The following TBC1D20 variants were observed in gnomAD, a reference collection of about 807,000 sequenced individuals.
TBC1D20 encodes the protein chromosome 20 open reading frame 140.
Under a neutral mutation model 41.6 loss-of-function variants are expected in TBC1D20, and 12 were observed. That is an observed-to-expected ratio of 0.29 (90% confidence interval 0.18 to 0.47). The LOEUF (loss-of-function observed/expected upper bound fraction) is 0.47. Among genes scored for constraint, TBC1D20 ranks in the 20% least tolerant of loss-of-function variants. The pLI, the probability that TBC1D20 is intolerant of heterozygous loss-of-function variation, is 1.00. For synonymous variants in TBC1D20, 205 were observed against 204.8 expected (o/e 1.00, Z -0.01); for missense variants, 421 against 517.4 (o/e 0.81, Z 1.81).
At chr20:454,825 C>T (rs2017514358) in intron 1 of TBC1D20, among the ~76,000 whole-genome samples, 1 of 152,088 alleles carries the variant, frequency 6.6e-6, no homozygotes, top group Non-Finnish European at 1.5e-5. Flanking sequence ...GCGCATGCTG[C>T]CACCACACCT....
chr20:450,438 G>T (rs143623085), intron 1 of TBC1D20, among the ~76,000 whole-genome samples: 9 of 151,900 alleles, frequency 5.9e-5, no homozygotes, highest in African/African-American at 1.9e-4. Flanking sequence ...GAGCCACCAC[G>T]CCTGGCCAAC....
chr20:452,859 C>T lies in TBC1D20; in HGVS notation c.71-4785G>A, dbSNP rs568685346. Among the ~76,000 whole-genome samples the T allele has an allele frequency of 3.3e-5, 5 of 152,156 alleles. No homozygotes were observed. In the South Asian group the frequency reaches 1.0e-3, roughly 32 times the overall value. On this transcript the variant is annotated intron_variant, in intron 1 of 7. Coordinates refer to ENST00000354200, the MANE Select transcript of TBC1D20 (RefSeq NM_144628.4). ...TGTCCTGGTGACCTGTCTCTAAAAA[C>T]AAAAACAAGGCTGGGCACGGTGGTT... is the stretch of plus-strand genomic sequence containing the variant.
chr20:462,448 G>C lies in TBC1D20; in HGVS notation c.-43C>G. 5 of 1,138,358 alleles carry C rather than the reference G, an allele frequency of 4.4e-6. No individual in the cohort carries two copies. The highest frequency in any genetic ancestry group is 5.5e-6 in the Non-Finnish European group (5 of 905,968). 70.5% of individuals were successfully genotyped at this position (1,138,358 alleles called of 1,614,324 possible). A position where few individuals can be genotyped will look rare whatever the true frequency, so the allele number is the denominator to read the frequency against. On this transcript the variant is annotated 5_prime_UTR_variant, in exon 1 of 8. Transcript: ENST00000354200. ...CCCCACCCGAGCCCCGGCTGGTGGC[G>C]GAGCCGGGAGAAGACGCGGCTCCGA...
chr20:462,063 G>A (rs2017641195), intron 1 of TBC1D20, among the ~76,000 whole-genome samples: 1 of 152,214 alleles, frequency 6.6e-6, no homozygotes, highest in Admixed American at 6.5e-5. Flanking sequence ...GAAAGCCGGG[G>A]CGCGAAGCCG....
chr20:461,390 G>T (rs1230147692), intron 1 of TBC1D20, among the ~76,000 whole-genome samples: 1 of 152,072 alleles, frequency 6.6e-6, no homozygotes, highest in Non-Finnish European at 1.5e-5. Context: ...ATTGAGATAG[G>T]GTCTCCATCT....
intron 1 of TBC1D20, among the ~76,000 whole-genome samples, chr20:453,693 G>A (rs1378135021): frequency 1.4e-5 from 2 of 145,166 alleles, no homozygotes; most frequent in East Asian, 4.1e-4. Context: ...TTACGGGCAC[G>A]TGCCACCATG....
At chr20:460,469 C>CAAAAAAAAAAAAAAA (rs2017610864) in intron 1 of TBC1D20, among the ~76,000 whole-genome samples, 3 of 151,370 alleles carry the variant, frequency 2.0e-5, no homozygotes, top group African/African-American at 7.3e-5. Flanking sequence ...AACTCCACGT[C>CAAAAAAAAAAAAAAA]TGTACCAGAA....
At chr20:454,136 G>C (rs1288676870) in intron 1 of TBC1D20, among the ~76,000 whole-genome samples, 3 of 151,134 alleles carry the variant, frequency 2.0e-5, no homozygotes, top group Non-Finnish European at 4.4e-5. Context: ...CCAGCTACTC[G>C]AGAGGCTGAG....
chr20:446,397 C>G (rs554047363), intron 2 of TBC1D20, among the ~76,000 whole-genome samples: 33 of 151,908 alleles, frequency 2.2e-4, no homozygotes, highest in African/African-American at 8.0e-4. Context: ...CTGGAGTATA[C>G]TGGCGCAATC....
chr20:438,869 A>T (rs751529283), intron 7 of TBC1D20, 28 bp from the exon 8 acceptor site: 3 of 1,608,510 alleles, frequency 1.9e-6, no homozygotes, highest in Non-Finnish European at 1.7e-6. Context: ...GGAAGGAAGG[A>T]AGTGGTATGA....
intron 1 of TBC1D20, among the ~76,000 whole-genome samples, chr20:451,685 C>T (rs2017444511): frequency 6.6e-6 from 1 of 152,174 alleles, no homozygotes; most frequent in Non-Finnish European, 1.5e-5. Flanking sequence ...CAGATACCTT[C>T]TTCCTTTTCC....
In TBC1D20 at chr20:456,006, C is replaced by T. The variant is rs932599579; in HGVS notation, c.70+6330G>A. ...TGCCGGGCATGGTTTTTAGTCCAGA[C>T]GTGGCTCATGCTTATAATCCCAGCA... On this transcript the variant is annotated intron_variant, in intron 1 of 7. Transcript: ENST00000354200. 2.6e-5 allele frequency among the ~76,000 whole-genome samples: 4 copies of T among 151,828 alleles called. 1 individual carries two copies. Among genetic ancestry groups the T allele is most frequent in the South Asian group, 4.2e-4 (2 of 4,794 alleles).
In TBC1D20 at chr20:435,614, G is replaced by A. The variant is rs1322614261; in HGVS notation, c.*2972C>T. On this transcript the variant is annotated 3_prime_UTR_variant, in exon 8 of 8. Coordinates refer to ENST00000354200, the MANE Select transcript of TBC1D20 (RefSeq NM_144628.4). Reference sequence around the variant, plus strand: ...GGAGCTTCTGTCCCCATGGAGTGGGGGTGCGCCACCCTCTTGGCACATGGA... The same window carrying A: ...GGAGCTTCTGTCCCCATGGAGTGGGAGTGCGCCACCCTCTTGGCACATGGA... 1 of 153,588 alleles carries A rather than the reference G, an allele frequency of 6.5e-6. No individual in the cohort carries two copies. Among genetic ancestry groups the A allele is most frequent in the Non-Finnish European group, 1.5e-5 (1 of 68,070 alleles). The allele number at this position is 153,588 out of a possible 1,614,324, so 9.5% of individuals were successfully genotyped here. A position where few individuals can be genotyped will look rare whatever the true frequency, so the allele number is the denominator to read the frequency against.
intron 3 of TBC1D20, among the ~76,000 whole-genome samples, 160 bp from the exon 4 acceptor site, chr20:442,203 C>A (rs1490271920): frequency 2.0e-5 from 3 of 152,242 alleles, no homozygotes; most frequent in African/African-American, 7.2e-5. Context: ...ACCTGGCATA[C>A]AGGAAAAGGC....
intron 2 of TBC1D20, among the ~76,000 whole-genome samples, chr20:446,024 G>A (rs1473899939): frequency 1.3e-5 from 2 of 152,242 alleles, no homozygotes; most frequent in Non-Finnish European, 2.9e-5. Context: ...ACATCATGAC[G>A]CTGTGAACTT....
Position 450,922 on chromosome 20 carries a change from G to C in TBC1D20, c.71-2848C>G, listed in dbSNP as rs143182283. The stretch of plus-strand genomic sequence containing the variant: ...AAAAGGCTCTGAAAGTTTGCATGCA[G>C]AATGTCTGCTTTTAGGGATGGCTTG... On this transcript the variant is annotated intron_variant, in intron 1 of 7. Coordinates refer to ENST00000354200, the MANE Select transcript of TBC1D20 (RefSeq NM_144628.4). Among the ~76,000 whole-genome samples, 612 of 152,328 alleles carry C rather than the reference G, an allele frequency of 4.0e-3. 1 individual carries two copies. Among genetic ancestry groups the C allele is most frequent in the African/African-American group, 0.014 (570 of 41,572 alleles).
At position 436,047 on chromosome 20, in the gene TBC1D20, G is replaced by T. The variant is rs979763222; in HGVS notation, c.*2539C>A. 4 of 152,248 alleles carry T rather than the reference G, an allele frequency of 2.6e-5. No individual in the cohort carries two copies. The highest frequency in any genetic ancestry group is 9.6e-5 in the African/African-American group (4 of 41,452). The allele number at this position is 152,248 out of a possible 1,614,324, so 9.4% of individuals were successfully genotyped here. A position where few individuals can be genotyped will look rare whatever the true frequency, so the allele number is the denominator to read the frequency against. On this transcript the variant is annotated 3_prime_UTR_variant, in exon 8 of 8. Transcript: ENST00000354200. ...ACTGTGGACAAAAACATCTACACAC[G>T]TATAAAATATCACAGTGCCCTGGGC...
At chr20:456,216 G>A (rs914377692) in intron 1 of TBC1D20, among the ~76,000 whole-genome samples, 24 of 152,272 alleles carry the variant, frequency 1.6e-4, no homozygotes, top group African/African-American at 5.8e-4. Flanking sequence ...CTGCACTCCA[G>A]CCTGGGTGAT....
chr20:438,907 C>T (rs911826386), intron 7 of TBC1D20, 66 bp from the exon 8 acceptor site: 18 of 1,581,816 alleles, frequency 1.1e-5, no homozygotes, highest in Middle Eastern at 2.1e-4. Flanking sequence ...AAAACTACAC[C>T]ACATAGGCTG....
Sources: gnomAD v4.1 joint callset for allele counts (sites outside exome capture counted in the v4.1 genomes callset) on GRCh38, gnomAD v4.1.1 for gene constraint, MANE v1.5 for transcripts, NCBI Gene and HGNC (gene_info 2026-07-23, HGNC 2026-07-21) for gene names.